Variants in P2RY8 observed in about 807,000 individuals in gnomAD.
P2RY8 encodes P2Y receptor family member 8.
P2RY8 carries 6 observed loss-of-function variants against 10.0 expected under a neutral mutation model. That is an observed-to-expected ratio of 0.60 (90% CI 0.33 to 1.19). P2RY8 has a LOEUF of 1.19. Among genes scored for constraint, P2RY8 ranks in the 50% most tolerant of loss-of-function variants. The pLI is 0.04. For synonymous variants in P2RY8, 276 were observed against 252.5 expected, an observed-to-expected ratio of 1.09 and a Z score of -0.88; for missense variants, 456 against 542.0, an observed-to-expected ratio of 0.84 and a Z score of 1.58.
intron 1 of P2RY8, among the ~76,000 whole-genome samples, chrX:1,533,584 ATACTTATATATTTATT>A (rs2092497904): frequency 4.1e-4 from 2 of 4,910 alleles, no homozygotes; most frequent in Non-Finnish European, 1.0e-3. Flanking sequence ...AATATATTAT[ATACTTATATATTTATT>A]ATTTAAATAT....
chrX:1,528,958 C>A (rs2092456902), intron 1 of P2RY8, among the ~76,000 whole-genome samples: 2 of 152,176 alleles, frequency 1.3e-5, no homozygotes, highest in Non-Finnish European at 1.5e-5. Flanking sequence ...CTCATTCCTG[C>A]ACTTTTTCAG....
chrX:1,533,370 A>G (rs1341825665), intron 1 of P2RY8, among the ~76,000 whole-genome samples: 1 of 147,100 alleles, frequency 6.8e-6, no homozygotes, highest in Non-Finnish European at 1.5e-5. Context: ...ACATATTTAC[A>G]TATTTATTAT....
intron 1 of P2RY8, among the ~76,000 whole-genome samples, chrX:1,509,802 T>TATC (rs754330560): frequency 0.014 from 977 of 67,866 alleles, 14 homozygotes; most frequent in Non-Finnish European, 0.029. Flanking sequence ...CCATCCTATC[T>TATC]ATCTATCTAT....
Position 1,465,286 on chromosome X carries a change from C to G in P2RY8, c.*193G>C. 1 of 891,516 alleles carries G rather than the reference C, an allele frequency of 1.1e-6. No homozygotes were observed. Among genetic ancestry groups the G allele is most frequent in the South Asian group, 1.8e-5 (1 of 54,686 alleles). The allele number at this position is 891,516 out of a possible 1,614,324, so 55.2% of individuals were successfully genotyped here. ...CTTGTTTCTCTACCCTGAGTGAAGC[C>G]TGGAGACCCTTCCTCACCGGTGCCT... is the stretch of plus-strand genomic sequence containing the variant. On this transcript the variant is annotated 3_prime_UTR_variant, in exon 2 of 2. Transcript: ENST00000381297.
rs1328873105 is a variant in P2RY8, at chrX:1,471,308, CA to C, written c.-24-4727del. Among the ~76,000 whole-genome samples the C allele has an allele frequency of 3.1e-3, 217 of 71,070 alleles. 2 individuals carry two copies. Among genetic ancestry groups the C allele is most frequent in the Admixed American group, 4.2e-3 (24 of 5,668 alleles). 46.6% of individuals were successfully genotyped at this position (71,070 alleles called of 152,430 possible). ...CAGACGTGAGCCACCGCGCCCAGCC[CA>C]TTTTTTTTTTTTTTTTTTTTTTGTA... is the stretch of plus-strand genomic sequence containing the variant. On this transcript the variant is annotated intron_variant, in intron 1 of 1. Coordinates refer to ENST00000381297, the MANE Select transcript of P2RY8 (RefSeq NM_178129.5).
At chrX:1,530,128 T>C (rs1438918168) in intron 1 of P2RY8, among the ~76,000 whole-genome samples, 1 of 5,182 alleles carries the variant, frequency 1.9e-4, no homozygotes, top group Non-Finnish European at 0.012. Context: ...TATGCATCTA[T>C]GTATGTATGT....
Position 1,464,371 on chromosome X carries a change from T to C in P2RY8, c.*1108A>G. 1 of 233,606 alleles carries C rather than the reference T, an allele frequency of 4.3e-6. No individual in the cohort carries two copies. The highest frequency in any genetic ancestry group is 8.5e-6 in the Non-Finnish European group (1 of 118,338). 14.5% of individuals were successfully genotyped at this position (233,606 alleles called of 1,614,324 possible). A position where few individuals can be genotyped will look rare whatever the true frequency, so the allele number is the denominator to read the frequency against. On this transcript the variant is annotated 3_prime_UTR_variant, in exon 2 of 2. Coordinates refer to ENST00000381297, the MANE Select transcript of P2RY8 (RefSeq NM_178129.5). ...ACCACCCACACAGCAGGGAGGGGGC[T>C]CAGCGGCTGACACCCCTGTAGGTTC...
chrX:1,484,975 T>G (rs2091974067), intron 1 of P2RY8, among the ~76,000 whole-genome samples: 1 of 140,034 alleles, frequency 7.1e-6, no homozygotes, highest in Non-Finnish European at 1.5e-5. Flanking sequence ...TCCTTAATGA[T>G]GTAATAATGT....
intron 1 of P2RY8, among the ~76,000 whole-genome samples, chrX:1,526,693 C>T (rs1292936616): frequency 6.6e-6 from 1 of 152,118 alleles, no homozygotes; most frequent in African/African-American, 2.4e-5. Flanking sequence ...TCCATCCATC[C>T]ATCCATCCAA....
chrX:1,501,941 C>T (rs1386903027), intron 1 of P2RY8, among the ~76,000 whole-genome samples: 4 of 151,124 alleles, frequency 2.6e-5, no homozygotes, highest in African/African-American at 7.3e-5. Context: ...GACGAAATCT[C>T]GCTCTGTCAC....
At chrX:1,535,843 T>C (rs1164211457) in intron 1 of P2RY8, among the ~76,000 whole-genome samples, 1 of 152,080 alleles carries the variant, frequency 6.6e-6, no homozygotes, top group Non-Finnish European at 1.5e-5. Flanking sequence ...TTGTTGTGTG[T>C]GGCCTGAAAT....
At chrX:1,516,216 C>CAACA (rs1556684234) in intron 1 of P2RY8, among the ~76,000 whole-genome samples, 22 of 144,514 alleles carry the variant, frequency 1.5e-4, no homozygotes, top group Non-Finnish European at 2.4e-4. Flanking sequence ...AAAACAACAA[C>CAACA]AAAAAAAAAA....
intron 1 of P2RY8, among the ~76,000 whole-genome samples, chrX:1,521,034 C>CT (rs1163534557): frequency 0.16 from 9,609 of 60,478 alleles, 697 homozygotes; most frequent in Non-Finnish European, 0.23. Context: ...TTTTTCTTTT[C>CT]TTTTTTTTTT....
intron 1 of P2RY8, among the ~76,000 whole-genome samples, chrX:1,511,717 C>T (rs1199768759): frequency 1.3e-5 from 2 of 152,202 alleles, no homozygotes; most frequent in South Asian, 4.1e-4. Flanking sequence ...ACCTTCCATT[C>T]TCTTGACGGC....
At chrX:1,473,161 A>G (rs1428057406) in intron 1 of P2RY8, among the ~76,000 whole-genome samples, 3 of 135,596 alleles carry the variant, frequency 2.2e-5, no homozygotes, top group East Asian at 2.4e-4. Context: ...GGATGGATAG[A>G]TGAGTAGGTA....
At position 1,463,123 on chromosome X, in the gene P2RY8, G is replaced by A. The variant is rs1470488840; in HGVS notation, c.*2356C>T. On this transcript the variant is annotated 3_prime_UTR_variant, in exon 2 of 2. Transcript: ENST00000381297. ...ATTTTTGTTTACAAGGCAGTTTAGG[G>A]ATCGTCCGTGCGTTACTGTGAAGAT... The A allele has an allele frequency of 1.7e-5, 4 of 233,198 alleles. No homozygotes were observed. In the Middle Eastern group the frequency reaches 3.8e-3, roughly 222 times the overall value. The allele number at this position is 233,198 out of a possible 1,614,324, so 14.4% of individuals were successfully genotyped here.
At chrX:1,524,112 C>T (rs1384229087) in intron 1 of P2RY8, among the ~76,000 whole-genome samples, 3 of 152,080 alleles carry the variant, frequency 2.0e-5, no homozygotes, top group Admixed American at 6.6e-5. Flanking sequence ...CCCGTAACCC[C>T]GTTCCTGTTT....
chrX:1,481,163 C>T lies in P2RY8; in HGVS notation c.-24-14581G>A, dbSNP rs1425022334. 5.2e-5 allele frequency among the ~76,000 whole-genome samples: 7 copies of T among 135,756 alleles called. No individual in the cohort carries two copies. The East Asian group carries it at 8.4e-4, about 16-fold the overall frequency. The allele number at this position is 135,756 out of a possible 152,430, so 89.1% of individuals were successfully genotyped here. ...CTGACCTTTAGGTCACTCTGCAGCA[C>T]GCAATACATTTTTTTTTTTTCTTGA... On this transcript the variant is annotated intron_variant, in intron 1 of 1. Transcript: ENST00000381297.
intron 1 of P2RY8, among the ~76,000 whole-genome samples, chrX:1,482,967 T>C (rs1197791779): frequency 6.6e-6 from 1 of 151,816 alleles, no homozygotes; most frequent in Non-Finnish European, 1.5e-5. Context: ...GGGGGAGGGA[T>C]AGCATTAGGA....
Sources: allele counts gnomAD v4.1 joint callset (sites outside exome capture counted in the v4.1 genomes callset), GRCh38; gene constraint gnomAD v4.1.1; transcripts MANE v1.5; gene names NCBI Gene and HGNC (gene_info 2026-07-23, HGNC 2026-07-21).